PIEZO2: variants seen among roughly 807,000 people sequenced by gnomAD.
The protein encoded by PIEZO2 is piezo-type mechanosensitive ion channel component 2.
PIEZO2 carries 172 observed loss-of-function variants against 337.3 expected under a neutral mutation model. The ratio of observed to expected loss-of-function variants is 0.51; its 90% CI spans 0.45 to 0.58. The LOEUF is 0.58. PIEZO2 is among the 20% of genes least tolerant of loss of function. PIEZO2 has a pLI of 0.00. For missense variants in PIEZO2, 3,028 were observed against 3,391.3 expected, an observed-to-expected ratio of 0.89 and a Z score of 2.66; for synonymous variants, 1,251 against 1,228.5, an observed-to-expected ratio of 1.02 and a Z score of -0.38.
At chr18:10,693,551 C>A (rs367642769) in intron 47 of PIEZO2, among the ~76,000 whole-genome samples, 1 of 149,014 alleles carries the variant, frequency 6.7e-6, no homozygotes, top group African/African-American at 2.5e-5. Context: ...TTTTTTAAGA[C>A]GGGGTTTCAC....
intron 7 of PIEZO2, among the ~76,000 whole-genome samples, chr18:10,845,214 A>ATAT (rs1555658880): frequency 6.6e-6 from 1 of 151,668 alleles, no homozygotes; most frequent in Non-Finnish European, 1.5e-5. Flanking sequence ...ATATATATAT[A>ATAT]AACACACACA....
rs1343598583 is a variant in PIEZO2 at position 11,002,927 on chromosome 18, A to G, written c.161-23267T>C. On this transcript the variant is annotated intron_variant, in intron 2 of 55. Transcript: ENST00000674853. This position sits in a 1 kb window ranked among gnomAD's most constrained non-coding sequence, Gnocchi z 4.3. ...AATGGGGATGTAAAGAATTTTCTTTAGTAGAATCAGTTGATTAACCAGTGC... is the reference window on the plus strand; with the variant it reads ...AATGGGGATGTAAAGAATTTTCTTTGGTAGAATCAGTTGATTAACCAGTGC... Among the ~76,000 whole-genome samples, 1 of 152,246 alleles carries G rather than the reference A, an allele frequency of 6.6e-6. No individual in the cohort carries two copies. The highest frequency in any genetic ancestry group is 1.5e-5 in the Non-Finnish European group (1 of 68,048).
Position 10,748,582 on chromosome 18 carries a change from A to G in PIEZO2, c.4313T>C (p.Ile1438Thr). Residue 1438 changes from isoleucine (I) to threonine (T), a missense_variant, in exon 30 of 56, where the codon ATT becomes ACT. Ile to Thr is a moderately conservative substitution (Grantham distance 89). Transcript: ENST00000674853. This position sits in a 1 kb window ranked among gnomAD's most constrained non-coding sequence, Gnocchi z 5.1. ...GAAGGCAAAACATATGCTGTCCCAA[A>G]TGATTCCTGCTTCCCCACTGGGAAG... ...CTLPSGEAGI[I>T]WDSICFAFLL... 1 of 1,532,576 alleles carries G rather than the reference A, an allele frequency of 6.5e-7. No individual in the cohort carries two copies. Among genetic ancestry groups the G allele is most frequent in the South Asian group, 1.2e-5 (1 of 83,130 alleles). The allele number at this position is 1,532,576 out of a possible 1,614,324, so 94.9% of individuals were successfully genotyped here.
chr18:10,902,651 A>G (rs969448385), intron 4 of PIEZO2, among the ~76,000 whole-genome samples: 1 of 152,192 alleles, frequency 6.6e-6, no homozygotes, highest in Non-Finnish European at 1.5e-5. Flanking sequence ...GTCATTTTGT[A>G]CCTTAAAAGA....
chr18:10,927,747 C>T (rs1363433461), intron 3 of PIEZO2, among the ~76,000 whole-genome samples: 1 of 151,952 alleles, frequency 6.6e-6, no homozygotes, highest in Non-Finnish European at 1.5e-5. Flanking sequence ...CAGAATTTTC[C>T]TCTCTCTGTG....
chr18:10,849,344 T>C (rs970572780), intron 7 of PIEZO2, among the ~76,000 whole-genome samples: 2 of 152,186 alleles, frequency 1.3e-5, no homozygotes, highest in African/African-American at 2.4e-5. Flanking sequence ...TTAGGTATCT[T>C]CTTCACAAGG....
intron 1 of PIEZO2, among the ~76,000 whole-genome samples, chr18:11,124,664 C>T (rs1199447187): frequency 3.3e-5 from 5 of 152,114 alleles, no homozygotes; most frequent in Admixed American, 3.3e-4. Context: ...AGAAGACTAA[C>T]TCTGGGCAGG....
chr18:10,970,258 T>A (rs1243925883), intron 3 of PIEZO2, among the ~76,000 whole-genome samples: 2 of 152,200 alleles, frequency 1.3e-5, no homozygotes, highest in East Asian at 3.9e-4. Flanking sequence ...GGAAATAACA[T>A]GGGCAAAGGC....
chr18:10,884,303 T>C (rs1430843391), intron 4 of PIEZO2, among the ~76,000 whole-genome samples: 5 of 152,256 alleles, frequency 3.3e-5, no homozygotes, highest in Non-Finnish European at 5.9e-5. Context: ...CATCCATTGA[T>C]GGACACAGGT....
chr18:10,777,058 A>G (rs1293621011), intron 18 of PIEZO2, among the ~76,000 whole-genome samples: 1 of 152,202 alleles, frequency 6.6e-6, no homozygotes, highest in Admixed American at 6.5e-5. Flanking sequence ...AATAATACGC[A>G]TGATGATGAA....
At position 11,083,130 on chromosome 18, in the gene PIEZO2, C is replaced by T. The variant is rs544663924; in HGVS notation, c.65-16908G>A. Among the ~76,000 whole-genome samples, 7 of 152,286 alleles carry T rather than the reference C, an allele frequency of 4.6e-5. No homozygotes were observed. Among genetic ancestry groups the T allele is most frequent in the Non-Finnish European group, 1.5e-5 (1 of 68,026 alleles). ...GAATCCCATGCTAAGCATCCATCAC[C>T]GTTCTCTACCTTTGCATACCTTGCC... On this transcript the variant is annotated intron_variant, in intron 1 of 55. Transcript: ENST00000674853. The surrounding 1 kb of genome is among the most constrained non-coding windows in gnomAD (Gnocchi z 4.4).
chr18:10,735,068 A>T (rs1375532129), intron 35 of PIEZO2, among the ~76,000 whole-genome samples, 164 bp downstream of exon 35: 1 of 152,214 alleles, frequency 6.6e-6, no homozygotes, highest in Non-Finnish European at 1.5e-5. Flanking sequence ...GCTTCTAAGA[A>T]CTTGTTTTGG....
In PIEZO2 at chr18:11,032,146, T is replaced by A. The variant is rs544164973; in HGVS notation, c.160+33981A>T. Among the ~76,000 whole-genome samples the A allele has an allele frequency of 9.2e-5, 14 of 152,308 alleles. No homozygotes were observed. The highest frequency in any genetic ancestry group is 3.1e-4 in the African/African-American group (13 of 41,558). On this transcript the variant is annotated intron_variant, in intron 2 of 55. Transcript: ENST00000674853. This position sits in a 1 kb window ranked among gnomAD's most constrained non-coding sequence, Gnocchi z 4.9. ...TTGAATTGAGTAACAAACTATGAAG[T>A]GAAATTCTGCTGAATGGCAAAAATG...
intron 5 of PIEZO2, among the ~76,000 whole-genome samples, chr18:10,860,818 T>G (rs1450007098): frequency 2.0e-5 from 3 of 152,244 alleles, no homozygotes; most frequent in Non-Finnish European, 1.5e-5. Context: ...TTTGTGAGGT[T>G]ATACAAATGC....
rs986288522 is a variant in PIEZO2 at position 11,058,836 on chromosome 18, G to T, written c.160+7291C>A. Among the ~76,000 whole-genome samples, 4 of 152,272 alleles carry T rather than the reference G, an allele frequency of 2.6e-5. No homozygotes were observed. The East Asian group carries it at 5.8e-4, about 22-fold the overall frequency. On this transcript the variant is annotated intron_variant, in intron 2 of 55. Coordinates refer to ENST00000674853, the MANE Select transcript of PIEZO2 (RefSeq NM_001378183.1). ...AACCAAGTTGGAAAACACTCTGCAG[G>T]ATATTATACAGAAGAACTTCCCCAA...
chr18:10,829,027 G>A (rs2040762699), intron 7 of PIEZO2, among the ~76,000 whole-genome samples: 1 of 152,024 alleles, frequency 6.6e-6, no homozygotes, highest in Non-Finnish European at 1.5e-5. Context: ...ACATTTTAAT[G>A]ATTTTTTAAA....
rs1412744340 is a variant in PIEZO2 at position 11,126,810 on chromosome 18, A to G, written c.64+21715T>C. On this transcript the variant is annotated intron_variant, in intron 1 of 55. Coordinates refer to ENST00000674853, the MANE Select transcript of PIEZO2 (RefSeq NM_001378183.1). The surrounding 1 kb of genome is among the most constrained non-coding windows in gnomAD (Gnocchi z 4.6). ...ATTACTATTTTTTTTTTAAAGCCCC[A>G]GTGACCCTATGAGGTAGTTACTTTT... Among the ~76,000 whole-genome samples, 1 of 151,926 alleles carries G rather than the reference A, an allele frequency of 6.6e-6. No homozygotes were observed. The highest frequency in any genetic ancestry group is 1.5e-5 in the Non-Finnish European group (1 of 67,986).
At chr18:10,699,852 A>C (rs1390569386) in intron 43 of PIEZO2, among the ~76,000 whole-genome samples, 1 of 152,150 alleles carries the variant, frequency 6.6e-6, no homozygotes, top group African/African-American at 2.4e-5. Flanking sequence ...CTCTCCCCTG[A>C]GCTCTTTGGC....
Position 10,862,931 on chromosome 18 carries a change from AC to A in PIEZO2, c.493-5721del, listed in dbSNP as rs1412698633. Among the ~76,000 whole-genome samples the A allele has an allele frequency of 1.3e-5, 2 of 152,048 alleles. No individual in the cohort carries two copies. Among genetic ancestry groups the A allele is most frequent in the African/African-American group, 4.8e-5 (2 of 41,380 alleles). The stretch of plus-strand genomic sequence containing the variant: ...TAGATTGAAATAAATTATCTCTGGA[AC>A]CTCCTTTAGGTTTCAGTCGAGCTTT... On this transcript the variant is annotated intron_variant, in intron 5 of 55. Transcript: ENST00000674853. The surrounding 1 kb of genome is among the most constrained non-coding windows in gnomAD (Gnocchi z 4.4).
Sources: allele counts gnomAD v4.1 joint callset (sites outside exome capture counted in the v4.1 genomes callset), GRCh38; gene constraint gnomAD v4.1.1; non-coding constraint Gnocchi (gnomAD v3.1); transcripts MANE v1.5; gene names NCBI Gene and HGNC (gene_info 2026-07-23, HGNC 2026-07-21).